The following CNTN5 variants were observed in gnomAD, a reference collection of about 807,000 sequenced individuals.
CNTN5 encodes the protein contactin 5, also known as contactin-5.
CNTN5 carries 77 observed loss-of-function variants against 129.1 expected under a neutral mutation model. The ratio of observed to expected loss-of-function variants is 0.60; its 90% confidence interval spans 0.50 to 0.72. CNTN5 has a LOEUF of 0.72. Ranked by LOEUF, CNTN5 falls within the 30% of genes least tolerant of loss-of-function variation. CNTN5 has a pLI of 0.00. For missense variants in CNTN5, 1,478 were observed against 1,328.8 expected (o/e 1.11, Z -1.75); for synonymous variants, 509 against 465.6 (o/e 1.09, Z -1.20).
At chr11:99,159,126 A>T (rs1227417550) in intron 1 of CNTN5, among the ~76,000 whole-genome samples, 2 of 152,204 alleles carry the variant, frequency 1.3e-5, no homozygotes, top group Non-Finnish European at 2.9e-5. Context: ...TATGAGGACT[A>T]CATTGGATAA....
intron 1 of CNTN5, among the ~76,000 whole-genome samples, chr11:99,056,005 C>T (rs910039966): frequency 3.3e-5 from 5 of 151,970 alleles, no homozygotes; most frequent in African/African-American, 1.2e-4. Context: ...ATTTTAAGGG[C>T]CTCGTGGCTT....
chr11:99,212,680 G>A (rs1019866290), intron 1 of CNTN5, among the ~76,000 whole-genome samples: 1 of 151,790 alleles, frequency 6.6e-6, no homozygotes, highest in African/African-American at 2.4e-5. Context: ...AATATTTTAT[G>A]TTATTTAGGG....
intron 1 of CNTN5, among the ~76,000 whole-genome samples, chr11:99,162,926 G>A (rs1860686674): frequency 1.3e-5 from 2 of 152,154 alleles, no homozygotes; most frequent in Admixed American, 1.3e-4. Flanking sequence ...TTTACCTTTT[G>A]TTTTTAGAAA....
At chr11:99,247,647 T>C (rs189914050) in intron 1 of CNTN5, among the ~76,000 whole-genome samples, 1 of 152,112 alleles carries the variant, frequency 6.6e-6, no homozygotes, top group Non-Finnish European at 1.5e-5. Context: ...GTGTGTGATG[T>C]TCCCCTTCCT....
At chr11:99,342,602 A>AAAAT (rs1565505832) in intron 2 of CNTN5, among the ~76,000 whole-genome samples, 2 of 114,692 alleles carry the variant, frequency 1.7e-5, no homozygotes, top group African/African-American at 5.5e-5. Context: ...AAAAAAAAAA[A>AAAAT]GCAGGGCGTG....
intron 9 of CNTN5, among the ~76,000 whole-genome samples, chr11:100,034,154 A>T (rs960963420): frequency 2.1e-4 from 32 of 152,276 alleles, no homozygotes; most frequent in African/African-American, 7.7e-4. Context: ...CTCACTCTCA[A>T]GTTTTTAACT....
At chr11:100,126,599 A>C (rs2138188127) in intron 13 of CNTN5, among the ~76,000 whole-genome samples, 1 of 152,188 alleles carries the variant, frequency 6.6e-6, no homozygotes, top group Non-Finnish European at 1.5e-5. Flanking sequence ...TAAGAATAGT[A>C]ACTTCTGCTG....
chr11:100,051,139 A>T (rs1247541941), intron 9 of CNTN5, among the ~76,000 whole-genome samples: 1 of 152,090 alleles, frequency 6.6e-6, no homozygotes, highest in East Asian at 1.9e-4. Context: ...ACATGAACAC[A>T]GCTATTAACC....
intron 2 of CNTN5, among the ~76,000 whole-genome samples, chr11:99,536,156 A>G (rs1386834390): frequency 1.3e-5 from 2 of 152,134 alleles, no homozygotes; most frequent in African/African-American, 4.8e-5. Context: ...AAGTATTTAA[A>G]AGTAACATTT....
intron 20 of CNTN5, among the ~76,000 whole-genome samples, chr11:100,299,667 G>T (rs1004527120): frequency 6.6e-6 from 1 of 151,160 alleles, no homozygotes; most frequent in Non-Finnish European, 1.5e-5. Flanking sequence ...AGTAATCCCT[G>T]CAGTGTATTC....
chr11:99,696,492 C>T (rs1397587784), intron 3 of CNTN5, among the ~76,000 whole-genome samples: 11 of 151,960 alleles, frequency 7.2e-5, no homozygotes, highest in Non-Finnish European at 1.3e-4. Flanking sequence ...CCAGGCTCAA[C>T]TAAGGAACAG....
chr11:99,867,348 C>G (rs552100383), intron 6 of CNTN5, among the ~76,000 whole-genome samples: 182 of 152,278 alleles, frequency 1.2e-3, no homozygotes, highest in African/African-American at 4.1e-3. Context: ...AACCAGAGTG[C>G]ATGAGGTTTC....
intron 1 of CNTN5, among the ~76,000 whole-genome samples, chr11:99,156,591 C>T (rs1415032466): frequency 6.6e-6 from 1 of 151,938 alleles, no homozygotes; most frequent in African/African-American, 2.4e-5. Flanking sequence ...ATACCTAAGA[C>T]AAAAGTATAC....
intron 3 of CNTN5, among the ~76,000 whole-genome samples, chr11:99,718,140 G>A (rs1325792133): frequency 6.6e-6 from 1 of 151,842 alleles, no homozygotes; most frequent in Non-Finnish European, 1.5e-5. Context: ...ACATCTTCAG[G>A]AATTATTTAT....
intron 10 of CNTN5, among the ~76,000 whole-genome samples, chr11:100,065,286 C>CT (rs973943121): frequency 7.3e-5 from 11 of 151,268 alleles, no homozygotes; most frequent in South Asian, 4.2e-4. Context: ...AAATAGTCTA[C>CT]TTTTTTTTTC....
intron 1 of CNTN5, among the ~76,000 whole-genome samples, chr11:99,201,986 T>C (rs1859233682): frequency 6.6e-6 from 1 of 152,220 alleles, no homozygotes; most frequent in Admixed American, 6.5e-5. Context: ...TATCAATGCA[T>C]GCGTGTTTTG....
chr11:99,208,599 C>T (rs571948946), intron 1 of CNTN5, among the ~76,000 whole-genome samples: 2 of 152,076 alleles, frequency 1.3e-5, no homozygotes, highest in Non-Finnish European at 2.9e-5. Context: ...TAAACACTTA[C>T]TTGATTCCCA....
chr11:99,921,511 T>C (rs1483716892), intron 7 of CNTN5, among the ~76,000 whole-genome samples: 4 of 152,186 alleles, frequency 2.6e-5, no homozygotes, highest in Non-Finnish European at 5.9e-5. Context: ...TACTCCACAA[T>C]TCGTTTCTCC....
intron 6 of CNTN5, among the ~76,000 whole-genome samples, chr11:99,855,842 C>A (rs894308572): frequency 2.0e-5 from 3 of 152,146 alleles, no homozygotes; most frequent in Non-Finnish European, 4.4e-5. Flanking sequence ...GGAAGGTATA[C>A]AATTTCTAGA....
Sources: allele counts gnomAD v4.1 joint callset (sites outside exome capture counted in the v4.1 genomes callset), GRCh38; gene constraint gnomAD v4.1.1; transcripts MANE v1.5; gene names NCBI Gene and HGNC (gene_info 2026-07-23, HGNC 2026-07-21).